The following DIAPH3 variants were observed in gnomAD, a reference collection of about 807,000 sequenced individuals.
DIAPH3 encodes diaphanous related formin 3, also known as protein diaphanous homolog 3.
A neutral mutation model predicts 144.3 loss-of-function variants in DIAPH3; 117 were observed. That is an observed-to-expected ratio of 0.81 (90% CI 0.70 to 0.95). The LOEUF is 0.95. DIAPH3 is among the 40% of genes least tolerant of loss of function. The probability of loss-of-function intolerance (pLI) is 0.00; values close to 1 mark genes in which losing one functional copy is unlikely to be tolerated. For synonymous variants in DIAPH3, 519 were observed against 488.9 expected (o/e 1.06, Z -0.81); for missense variants, 1,421 against 1,412.7 (o/e 1.01, Z -0.09).
At chr13:60,027,673 C>A (rs1403721205) in intron 5 of DIAPH3, among the ~76,000 whole-genome samples, 1 of 151,858 alleles carries the variant, frequency 6.6e-6, no homozygotes, top group East Asian at 1.9e-4. Flanking sequence ...AAACTTAAGT[C>A]CACTATTAAA....
intron 22 of DIAPH3, among the ~76,000 whole-genome samples, chr13:59,853,169 A>G (rs1167068540): frequency 1.3e-5 from 2 of 152,174 alleles, no homozygotes; most frequent in East Asian, 1.9e-4. Context: ...ACCTAACCTC[A>G]GAGTCCATGG....
intron 27 of DIAPH3, among the ~76,000 whole-genome samples, chr13:59,705,157 T>C (rs1212273793): frequency 6.6e-6 from 1 of 151,720 alleles, no homozygotes. Context: ...AAAATGATTA[T>C]AGCCTAGTCC....
At chr13:60,081,920 C>T (rs1200133177) in intron 4 of DIAPH3, among the ~76,000 whole-genome samples, 1 of 151,910 alleles carries the variant, frequency 6.6e-6, no homozygotes, top group African/African-American at 2.4e-5. Flanking sequence ...GCCAGAGCTC[C>T]TTCCAGAACA....
intron 27 of DIAPH3, among the ~76,000 whole-genome samples, chr13:59,771,223 A>C (rs7350656): frequency 2.0e-5 from 3 of 152,168 alleles, no homozygotes; most frequent in African/African-American, 7.2e-5. Context: ...TTAAGAAGGC[A>C]CAGACAACAC....
At chr13:59,897,897 C>T (rs552502814) in intron 20 of DIAPH3, among the ~76,000 whole-genome samples, 49 of 151,522 alleles carry the variant, frequency 3.2e-4, no homozygotes, top group African/African-American at 1.0e-3. Flanking sequence ...TTTGGGAAAC[C>T]GAGGCAGGTA....
intron 4 of DIAPH3, among the ~76,000 whole-genome samples, chr13:60,046,972 C>CG (rs1178114649): frequency 6.7e-6 from 1 of 149,086 alleles, no homozygotes; most frequent in East Asian, 2.0e-4. Flanking sequence ...CGGGGCTTTT[C>CG]GGGGGGTTGG....
chr13:59,861,436 T>C lies in DIAPH3; in HGVS notation c.2708A>G (p.Asp903Gly). The C allele has an allele frequency of 1.2e-6, 2 of 1,613,790 alleles. No individual in the cohort carries two copies. The highest frequency in any genetic ancestry group is 1.7e-6 in the Non-Finnish European group (2 of 1,179,876). The change falls in exon 22 of 28, where the codon GAT becomes GGT. Residue 903 changes from aspartate (D) to glycine (G), a missense_variant. Physicochemically the swap from Asp to Gly is moderately conservative, Grantham distance 94. Coordinates refer to ENST00000400324, the MANE Select transcript of DIAPH3 (RefSeq NM_001042517.2). ...KYPDILNFVD[D>G]LEPLDKASKV... ...ACTAGCTTTGTCTAAAGGTTCCAAA[T>C]CATCCACAAAATTCAGTATATCAGG...
chr13:60,064,343 T>C (rs1248604466), intron 4 of DIAPH3, among the ~76,000 whole-genome samples: 5 of 152,260 alleles, frequency 3.3e-5, no homozygotes, highest in African/African-American at 9.6e-5. Context: ...TTCATCTATA[T>C]TGAAAATCTG....
At chr13:59,800,617 G>A (rs2039854674) in intron 25 of DIAPH3, among the ~76,000 whole-genome samples, 1 of 152,100 alleles carries the variant, frequency 6.6e-6, no homozygotes, top group African/African-American at 2.4e-5. Context: ...TCCTCAGACT[G>A]CAATGCTATT....
At chr13:60,014,231 A>G (rs192354902) in intron 7 of DIAPH3, among the ~76,000 whole-genome samples, 6 of 152,184 alleles carry the variant, frequency 3.9e-5, no homozygotes, top group African/African-American at 1.4e-4. Flanking sequence ...CAATTTCTAT[A>G]TTCTCACTTT....
intron 24 of DIAPH3, among the ~76,000 whole-genome samples, chr13:59,815,457 A>G (rs1218410300): frequency 1.3e-5 from 2 of 152,016 alleles, no homozygotes; most frequent in African/African-American, 4.8e-5. Context: ...GTGGCTTTTT[A>G]TTAACTTGGA....
At chr13:59,730,300 T>C (rs1273285635) in intron 27 of DIAPH3, among the ~76,000 whole-genome samples, 1 of 152,170 alleles carries the variant, frequency 6.6e-6, no homozygotes, top group Non-Finnish European at 1.5e-5. Context: ...CTGGCAATAT[T>C]TTTTAGCTTT....
intron 24 of DIAPH3, among the ~76,000 whole-genome samples, chr13:59,812,770 A>G (rs928540164): frequency 1.3e-5 from 2 of 152,172 alleles, no homozygotes; most frequent in Admixed American, 1.3e-4. Flanking sequence ...ATCCCTCAGG[A>G]TCTTCTAGGC....
In DIAPH3 at chr13:59,790,497, T is replaced by C. The variant is rs138679565; in HGVS notation, c.3164-15674A>G. On this transcript the variant is annotated intron_variant, in intron 25 of 27. Transcript: ENST00000400324. The stretch of plus-strand genomic sequence containing the variant: ...AACTTTGTGTTCAAAGTACTATAAG[T>C]ATTCATTACCTTTGTTTCATTTTAA... 2.4e-4 allele frequency among the ~76,000 whole-genome samples: 37 copies of C among 152,356 alleles called. No homozygotes were observed. The East Asian group carries it at 6.9e-3, about 29-fold the overall frequency.
At chr13:59,992,392 T>C (rs1465658659) in intron 10 of DIAPH3, 81 bp downstream of exon 10, 1 of 1,227,884 alleles carries the variant, frequency 8.1e-7, no homozygotes, top group Non-Finnish European at 1.2e-6. Flanking sequence ...AAATTATTCT[T>C]CAAGGTAATT....
At chr13:59,835,473 G>C (rs1041401641) in intron 23 of DIAPH3, among the ~76,000 whole-genome samples, 5 of 151,774 alleles carry the variant, frequency 3.3e-5, no homozygotes, top group Non-Finnish European at 7.4e-5. Context: ...AAAGAGCAGT[G>C]AGCTGTCCAT....
At chr13:60,085,545 T>C (rs1472361516) in intron 4 of DIAPH3, among the ~76,000 whole-genome samples, 1 of 152,126 alleles carries the variant, frequency 6.6e-6, no homozygotes, top group African/African-American at 2.4e-5. Flanking sequence ...AAGTGTTAAG[T>C]GGTAAGGCCT....
At chr13:59,843,462 G>A (rs990693545) in intron 22 of DIAPH3, among the ~76,000 whole-genome samples, 5 of 152,176 alleles carry the variant, frequency 3.3e-5, no homozygotes, top group Non-Finnish European at 7.3e-5. Context: ...CAATTCTGTG[G>A]TTGTCAGTGG....
chr13:59,942,557 A>T (rs1271918271), intron 17 of DIAPH3, among the ~76,000 whole-genome samples: 2 of 152,176 alleles, frequency 1.3e-5, no homozygotes, highest in African/African-American at 4.8e-5. Flanking sequence ...TTCAAACAAT[A>T]TAGAAGTACA....
Sources: gnomAD v4.1 joint callset for allele counts (sites outside exome capture counted in the v4.1 genomes callset) on GRCh38, gnomAD v4.1.1 for gene constraint, MANE v1.5 for transcripts, NCBI Gene and HGNC (gene_info 2026-07-23, HGNC 2026-07-21) for gene names.